Variants in PCDHGC3 observed in about 807,000 individuals in gnomAD.
PCDHGC3 encodes protocadherin gamma-C3.
PCDHGC3 carries 26 observed loss-of-function variants against 59.2 expected under a neutral mutation model. That is an observed-to-expected ratio of 0.44 (90% confidence interval 0.32 to 0.61). PCDHGC3 has a LOEUF of 0.61. PCDHGC3 is among the 20% of genes least tolerant of loss of function. The pLI is 0.05. For synonymous variants in PCDHGC3, 487 were observed against 519.7 expected (o/e 0.94, Z 0.86); for missense variants, 1,080 against 1,221.8 (o/e 0.88, Z 1.73).
At chr5:141,507,807 A>AACGG (rs1465406594) in intron 3 of PCDHGC3, among the ~76,000 whole-genome samples, 2 of 152,152 alleles carry the variant, frequency 1.3e-5, no homozygotes, top group East Asian at 3.9e-4. Flanking sequence ...CGCCCTGGGG[A>AACGG]ACGGACCCTG....
At chr5:141,481,592 C>T (rs765060653) in intron 1 of PCDHGC3, among the ~76,000 whole-genome samples, 2 of 152,112 alleles carry the variant, frequency 1.3e-5, no homozygotes, top group East Asian at 1.9e-4. Context: ...CTGAGGCCAG[C>T]GGATCACCTG....
Position 141,485,668 on chromosome 5 carries a change from T to C in PCDHGC3, c.2430+7122T>C. 6.2e-7 allele frequency: 1 copy of C among 1,612,698 alleles called. No homozygotes were observed. The highest frequency in any genetic ancestry group is 1.3e-5 in the African/African-American group (1 of 74,972). ...CTCAGGATGCAGATGTGGGGAGCAA[T>C]TCGATTAGCAGCTATAGGCTGAGCT... On this transcript the variant is annotated intron_variant, in intron 1 of 3. Transcript: ENST00000308177. The surrounding 1 kb of genome is among the most constrained non-coding windows in gnomAD (Gnocchi z 5.7).
chr5:141,495,103 C>T (rs1383918796), intron 2 of PCDHGC3, among the ~76,000 whole-genome samples: 2 of 152,132 alleles, frequency 1.3e-5, no homozygotes, highest in Non-Finnish European at 2.9e-5. Context: ...TCGCCACGAC[C>T]GGCACCTTTT....
intron 3 of PCDHGC3, among the ~76,000 whole-genome samples, chr5:141,508,506 C>G (rs2099869342): frequency 6.6e-6 from 1 of 152,180 alleles, no homozygotes; most frequent in Admixed American, 6.5e-5. Context: ...TCTCTCCCTC[C>G]TGGTCCAGCC....
rs775367944 is a variant in PCDHGC3, at chr5:141,478,204, T to C, written c.2088T>C (p.Leu696=). ...AAAATCTCACCTTTTATCTACTTCT[T>C]TCTCTAATCCTGGTTTCTGTGGGGT... ...QKKNLTFYLL[L]SLILVSVGFV... Residue 696 remains leucine (L), a synonymous_variant, in exon 1 of 4, where the codon CTT becomes CTC. Coordinates refer to ENST00000308177, the MANE Select transcript of PCDHGC3 (RefSeq NM_002588.4). 4.3e-6 allele frequency: 7 copies of C among 1,613,950 alleles called. No individual in the cohort carries two copies. Among genetic ancestry groups the C allele is most frequent in the Middle Eastern group, 1.6e-4 (1 of 6,084 alleles).
intron 1 of PCDHGC3, among the ~76,000 whole-genome samples, chr5:141,482,530 C>CAAAAAAAAA (rs3074545): frequency 5.2e-4 from 40 of 76,506 alleles, no homozygotes; most frequent in African/African-American, 1.4e-3. Context: ...GACAGACATG[C>CAAAAAAAAA]AAAAAAAAAA....
At position 141,489,185 on chromosome 5, in the gene PCDHGC3, T is replaced by TCTA; in HGVS notation, c.2431-5620_2431-5618dup. Reference sequence around the variant, plus strand: ...CAGCTGCTGCATTCCAAGCCCTGGGTCTACCTTGGAGACAGGACAGCACAG... The same window carrying TCTA: ...CAGCTGCTGCATTCCAAGCCCTGGGTCTACTACCTTGGAGACAGGACAGCACAG... On this transcript the variant is annotated intron_variant, in intron 1 of 3. Coordinates refer to ENST00000308177, the MANE Select transcript of PCDHGC3 (RefSeq NM_002588.4). This position sits in a 1 kb window ranked among gnomAD's most constrained non-coding sequence, Gnocchi z 4.5. 7.8e-7 allele frequency: 1 copy of TCTA among 1,286,838 alleles called. No homozygotes were observed. The highest frequency in any genetic ancestry group is 1.5e-5 in the South Asian group (1 of 65,798). The allele number at this position is 1,286,838 out of a possible 1,614,324, so 79.7% of individuals were successfully genotyped here.
Position 141,490,311 on chromosome 5 carries a change from C to T in PCDHGC3, c.2431-4496C>T. 6.2e-7 allele frequency: 1 copy of T among 1,614,200 alleles called. No individual in the cohort carries two copies. The highest frequency in any genetic ancestry group is 8.5e-7 in the Non-Finnish European group (1 of 1,180,018). On this transcript the variant is annotated intron_variant, in intron 1 of 3. Coordinates refer to ENST00000308177, the MANE Select transcript of PCDHGC3 (RefSeq NM_002588.4). This position sits in a 1 kb window ranked among gnomAD's most constrained non-coding sequence, Gnocchi z 5.4. ...AGGTGCTATTGGCCTCTTTGGCCAA[C>T]CCTGTCCTAGAGAGCACACCAGTGG...
Position 141,490,911 on chromosome 5 carries a change from G to C in PCDHGC3, c.2431-3896G>C. On this transcript the variant is annotated intron_variant, in intron 1 of 3. Coordinates refer to ENST00000308177, the MANE Select transcript of PCDHGC3 (RefSeq NM_002588.4). The surrounding 1 kb of genome is among the most constrained non-coding windows in gnomAD (Gnocchi z 5.4). ...CTCTGCATGTGTTTGTCCTAGACGA[G>C]AATGATAATGCCCCAGCTGTGCTGC... is the stretch of plus-strand genomic sequence containing the variant. The C allele has an allele frequency of 6.2e-7, 1 of 1,613,722 alleles. No homozygotes were observed. Among genetic ancestry groups the C allele is most frequent in the East Asian group, 2.2e-5 (1 of 44,870 alleles).
At position 141,498,794 on chromosome 5, in the gene PCDHGC3, G is replaced by A. The variant is rs184257963; in HGVS notation, c.2489+3929G>A. ...TAAAAATACAAAATATTAGCCAGGT[G>A]TGGTGGTGCACACCTGTAGTCCCAG... On this transcript the variant is annotated intron_variant, in intron 2 of 3. Transcript: ENST00000308177. Among the ~76,000 whole-genome samples the A allele has an allele frequency of 7.9e-5, 12 of 152,224 alleles. No individual in the cohort carries two copies. The East Asian group carries it at 2.3e-3, about 30-fold the overall frequency.
intron 2 of PCDHGC3, among the ~76,000 whole-genome samples, chr5:141,496,839 AG>A (rs2099771805): frequency 1.3e-5 from 2 of 151,484 alleles, no homozygotes; most frequent in African/African-American, 4.9e-5. Context: ...CAGAACTCAT[AG>A]GCTTCCAGAC....
chr5:141,511,117 G>A lies in PCDHGC3; in HGVS notation c.2749G>A (p.Ala917Thr). Residue 917 changes from alanine to threonine, a missense_variant, in exon 4 of 4, where the codon GCC becomes ACC. Physicochemically the swap from Ala to Thr is moderately conservative, Grantham distance 58. Coordinates refer to ENST00000308177, the MANE Select transcript of PCDHGC3 (RefSeq NM_002588.4). ...TNAAGKRDGK[A>T]PAGGNGNKKK... ...CGCAGCTGGCAAGCGGGATGGCAAG[G>A]CCCCAGCAGGTGGCAATGGCAACAA... 6.2e-7 allele frequency: 1 copy of A among 1,614,216 alleles called. No homozygotes were observed. Among genetic ancestry groups the A allele is most frequent in the Non-Finnish European group, 8.5e-7 (1 of 1,180,026 alleles).
rs1004061582 is a variant in PCDHGC3, at chr5:141,477,406, A to C, written c.1290A>C (p.Arg430=). ...VPEYNLSITA[R]DAGTPSLSAL... is the part of the protein sequence containing the mutation. ...AATACAACCTCAGCATCACCGCCCG[A>C]GACGCCGGAACCCCTTCCCTCTCAG... The change falls in exon 1 of 4, where the codon CGA becomes CGC. Residue 430 remains arginine, a synonymous_variant. Transcript: ENST00000308177. The surrounding 1 kb of genome is among the most constrained non-coding windows in gnomAD (Gnocchi z 4.9). 6.2e-7 allele frequency: 1 copy of C among 1,614,036 alleles called. No homozygotes were observed. Among genetic ancestry groups the C allele is most frequent in the Admixed American group, 1.7e-5 (1 of 59,994 alleles).
In PCDHGC3 at chr5:141,486,017, A is replaced by G. The variant is rs746747518; in HGVS notation, c.2430+7471A>G. On this transcript the variant is annotated intron_variant, in intron 1 of 3. Transcript: ENST00000308177. The surrounding 1 kb of genome is among the most constrained non-coding windows in gnomAD (Gnocchi z 5.0). ...CAGTGGTAACGTCACCTTTTATTTC[A>G]GTGGTCATACCCCTGATCGTGTAAG... The G allele has an allele frequency of 6.2e-7, 1 of 1,614,176 alleles. No homozygotes were observed. The highest frequency in any genetic ancestry group is 1.7e-5 in the Admixed American group (1 of 60,026).
At chr5:141,481,356 T>A (rs1214829594) in intron 1 of PCDHGC3, among the ~76,000 whole-genome samples, 1 of 152,260 alleles carries the variant, frequency 6.6e-6, no homozygotes, top group East Asian at 1.9e-4. Context: ...CATCTACAGC[T>A]GTTCAATAGA....
In PCDHGC3 at chr5:141,486,128, G is replaced by C. The variant is rs1447222839; in HGVS notation, c.2430+7582G>C. ...TGAGAGTGAGAATTACTATGAATTT[G>C]ATGTGCGGGCTCGCGATGGGGGTTC... is the stretch of plus-strand genomic sequence containing the variant. On this transcript the variant is annotated intron_variant, in intron 1 of 3. Transcript: ENST00000308177. This position sits in a 1 kb window ranked among gnomAD's most constrained non-coding sequence, Gnocchi z 5.0. 6.2e-7 allele frequency: 1 copy of C among 1,614,066 alleles called. No homozygotes were observed. Among genetic ancestry groups the C allele is most frequent in the Non-Finnish European group, 8.5e-7 (1 of 1,180,034 alleles).
Position 141,490,320 on chromosome 5 carries a change from A to G in PCDHGC3, c.2431-4487A>G. The G allele has an allele frequency of 6.2e-7, 1 of 1,614,228 alleles. No individual in the cohort carries two copies. The highest frequency in any genetic ancestry group is 1.1e-5 in the South Asian group (1 of 91,088). ...TGGCCTCTTTGGCCAACCCTGTCCT[A>G]GAGAGCACACCAGTGGGCACAGTAG... On this transcript the variant is annotated intron_variant, in intron 1 of 3. Transcript: ENST00000308177. The surrounding 1 kb of genome is among the most constrained non-coding windows in gnomAD (Gnocchi z 5.4).
At position 141,491,753 on chromosome 5, in the gene PCDHGC3, C is replaced by T. The variant is rs373728953; in HGVS notation, c.2431-3054C>T. On this transcript the variant is annotated intron_variant, in intron 1 of 3. Coordinates refer to ENST00000308177, the MANE Select transcript of PCDHGC3 (RefSeq NM_002588.4). The surrounding 1 kb of genome is among the most constrained non-coding windows in gnomAD (Gnocchi z 6.9). ...ACCCCTGGGGGCGGCACTGGAGAAGCCGCCCGTCCTCATAAGGGATTGAAC... is the reference window on the plus strand; with the variant it reads ...ACCCCTGGGGGCGGCACTGGAGAAGTCGCCCGTCCTCATAAGGGATTGAAC... 4 of 1,585,146 alleles carry T rather than the reference C, an allele frequency of 2.5e-6. No homozygotes were observed. Among genetic ancestry groups the T allele is most frequent in the East Asian group, 2.3e-5 (1 of 43,412 alleles).
chr5:141,511,728 A>C lies in PCDHGC3; in HGVS notation c.*555A>C, dbSNP rs904031366. 2.2e-5 allele frequency: 4 copies of C among 177,940 alleles called. No homozygotes were observed. The highest frequency in any genetic ancestry group is 7.0e-5 in the African/African-American group (3 of 42,626). 11.0% of individuals were successfully genotyped at this position (177,940 alleles called of 1,614,324 possible). ...TCACCTCCTTCCAGAGCCCAAGATC[A>C]ATGCTCAAGTTTTGGAGGACATGAT... On this transcript the variant is annotated 3_prime_UTR_variant, in exon 4 of 4. Coordinates refer to ENST00000308177, the MANE Select transcript of PCDHGC3 (RefSeq NM_002588.4).
Sources: gnomAD v4.1 joint callset for allele counts (sites outside exome capture counted in the v4.1 genomes callset) on GRCh38, gnomAD v4.1.1 for gene constraint, Gnocchi (gnomAD v3.1) non-coding constraint, MANE v1.5 for transcripts, NCBI Gene and HGNC (gene_info 2026-07-23, HGNC 2026-07-21) for gene names.